BRINP1: variants seen among roughly 807,000 people sequenced by gnomAD.
BRINP1 encodes BMP/retinoic acid inducible neural specific 1.
BRINP1 carries 17 observed loss-of-function variants against 72.9 expected under a neutral mutation model. That is an observed-to-expected ratio of 0.23 (90% CI 0.16 to 0.35). The LOEUF is 0.35. Among genes scored for constraint, BRINP1 ranks in the 10% least tolerant of loss-of-function variants. The pLI, the probability that BRINP1 is intolerant of heterozygous loss-of-function variation, is 1.00. For missense variants in BRINP1, 850 were observed against 1,001.6 expected, an observed-to-expected ratio of 0.85 and a Z score of 2.04; for synonymous variants, 418 against 378.5, an observed-to-expected ratio of 1.10 and a Z score of -1.21.
At chr9:119,262,734 C>G (rs1403190455) in intron 2 of BRINP1, among the ~76,000 whole-genome samples, 1 of 150,936 alleles carries the variant, frequency 6.6e-6, no homozygotes, top group Non-Finnish European at 1.5e-5. Flanking sequence ...GCCCTCTACT[C>G]TAACATAACA....
intron 5 of BRINP1, among the ~76,000 whole-genome samples, chr9:119,223,247 T>G (rs1328346539): frequency 6.6e-6 from 1 of 152,116 alleles, no homozygotes; most frequent in Non-Finnish European, 1.5e-5. Context: ...GGGGGTTACA[T>G]AACTGAATAT....
chr9:119,320,177 GT>G (rs966136286), intron 1 of BRINP1, among the ~76,000 whole-genome samples: 36 of 152,118 alleles, frequency 2.4e-4, no homozygotes, highest in Non-Finnish European at 4.4e-5. Flanking sequence ...GTGGGAGAAG[GT>G]AGGAGAGTGA....
intron 2 of BRINP1, among the ~76,000 whole-genome samples, chr9:119,262,140 C>T (rs1830502603): frequency 6.6e-6 from 1 of 152,158 alleles, no homozygotes; most frequent in African/African-American, 2.4e-5. Context: ...CTCAAAGATT[C>T]CGGGTTTAAC....
intron 7 of BRINP1, among the ~76,000 whole-genome samples, chr9:119,184,910 CTGAG>C (rs1014115191): frequency 4.6e-5 from 7 of 152,136 alleles, no homozygotes; most frequent in Non-Finnish European, 8.8e-5. Context: ...TGACTGTATA[CTGAG>C]TGAGAAAAGG....
chr9:119,243,576 G>A (rs536965363), intron 3 of BRINP1, among the ~76,000 whole-genome samples: 4 of 152,152 alleles, frequency 2.6e-5, no homozygotes, highest in Non-Finnish European at 5.9e-5. Flanking sequence ...CTCAGTAATG[G>A]GATTGCTGGG....
intron 5 of BRINP1, among the ~76,000 whole-genome samples, chr9:119,222,415 C>A (rs146736795): frequency 1.3e-5 from 2 of 152,052 alleles, no homozygotes; most frequent in Non-Finnish European, 1.5e-5. Flanking sequence ...AGAGAACATG[C>A]GGCCCACAAA....
At chr9:119,268,652 T>C (rs948244604) in intron 2 of BRINP1, among the ~76,000 whole-genome samples, 1 of 152,232 alleles carries the variant, frequency 6.6e-6, no homozygotes, top group Non-Finnish European at 1.5e-5. Flanking sequence ...TATTCATTTG[T>C]TTACACCTTA....
chr9:119,180,673 A>ATATT (rs1343293928), intron 7 of BRINP1, among the ~76,000 whole-genome samples: 1 of 152,172 alleles, frequency 6.6e-6, no homozygotes, highest in African/African-American at 2.4e-5. Context: ...TCCCAGATAA[A>ATATT]TATTTAGCTT....
At chr9:119,238,442 A>C (rs1320174785) in intron 5 of BRINP1, among the ~76,000 whole-genome samples, 1 of 152,224 alleles carries the variant, frequency 6.6e-6, no homozygotes, top group East Asian at 1.9e-4. Flanking sequence ...AATAATCATG[A>C]ATTTACTGTC....
chr9:119,334,146 C>T (rs1831327070), intron 1 of BRINP1, among the ~76,000 whole-genome samples: 1 of 152,192 alleles, frequency 6.6e-6, no homozygotes, highest in African/African-American at 2.4e-5. Context: ...TGAAAGAGAT[C>T]CTTTGCCTCA....
In BRINP1 at chr9:119,167,692, A is replaced by G. The variant is rs1829334775; in HGVS notation, c.1678T>C (p.Phe560Leu). The change falls in exon 8 of 8, where the codon TTC becomes CTC. Residue 560 changes from phenylalanine (F) to leucine (L), a missense_variant. Coordinates refer to ENST00000265922, the MANE Select transcript of BRINP1 (RefSeq NM_014618.3). The surrounding 1 kb of genome is among the most constrained non-coding windows in gnomAD (Gnocchi z 4.3). ...CTAAAGGGGTTGACATAGACAAAGA[A>G]CATGGGGTCCAGGCTGCTGTTGCGC... Reference protein sequence around the residue: ...QMRNSSLDPMFFVYVNPFSGS... With the variant: ...QMRNSSLDPMLFVYVNPFSGS... The G allele has an allele frequency of 2.5e-6, 4 of 1,614,136 alleles. No homozygotes were observed. In the East Asian group the frequency reaches 8.9e-5, roughly 36 times the overall value.
intron 2 of BRINP1, among the ~76,000 whole-genome samples, chr9:119,305,027 T>C (rs1830980592): frequency 6.6e-6 from 1 of 152,222 alleles, no homozygotes; most frequent in Admixed American, 6.5e-5. Context: ...CATTGCAAAC[T>C]CTGCTAATCA....
At position 119,174,198 on chromosome 9, in the gene BRINP1, A is replaced by C. The variant is rs888037721; in HGVS notation, c.1146-5974T>G. On this transcript the variant is annotated intron_variant, in intron 7 of 7. Transcript: ENST00000265922. ...ACAGGCAACCTACAGAATGGGAGAA[A>C]ATTTTTGCAACCTACTCATCTGACA... Among the ~76,000 whole-genome samples the C allele has an allele frequency of 3.8e-3, 572 of 150,056 alleles. 3 individuals are homozygous for C. Among genetic ancestry groups the C allele is most frequent in the Non-Finnish European group, 7.4e-3 (500 of 67,766 alleles).
intron 2 of BRINP1, among the ~76,000 whole-genome samples, chr9:119,305,593 A>G (rs1008955499): frequency 6.6e-6 from 1 of 152,102 alleles, no homozygotes; most frequent in Non-Finnish European, 1.5e-5. Context: ...ATTCTCATGA[A>G]TCCTAATCCT....
intron 2 of BRINP1, among the ~76,000 whole-genome samples, chr9:119,280,142 G>A (rs758031077): frequency 1.8e-4 from 27 of 152,160 alleles, no homozygotes; most frequent in Non-Finnish European, 2.5e-4. Context: ...CACAAGAAGT[G>A]CAGGAAATTC....
At chr9:119,269,472 C>T (rs1233318070) in intron 2 of BRINP1, among the ~76,000 whole-genome samples, 1 of 152,152 alleles carries the variant, frequency 6.6e-6, no homozygotes, top group East Asian at 1.9e-4. Flanking sequence ...CCCATATAAT[C>T]CCCTGCTGGT....
In BRINP1 at chr9:119,289,428, T is replaced by A. The variant is rs78345581; in HGVS notation, c.218+23710A>T. ...TTTTTATTTTAGGAGATCAGTTAACTCTGGCTGTTCCGTGAAAGGAGGAGG... is the reference window on the plus strand; with the variant it reads ...TTTTTATTTTAGGAGATCAGTTAACACTGGCTGTTCCGTGAAAGGAGGAGG... On this transcript the variant is annotated intron_variant, in intron 2 of 7. Transcript: ENST00000265922. Among the ~76,000 whole-genome samples, 1,232 of 152,254 alleles carry A rather than the reference T, an allele frequency of 8.1e-3. 15 individuals are homozygous for A. Among genetic ancestry groups the A allele is most frequent in the African/African-American group, 0.029 (1,191 of 41,542 alleles).
intron 1 of BRINP1, among the ~76,000 whole-genome samples, chr9:119,354,800 C>G (rs1203875712): frequency 6.6e-6 from 1 of 152,170 alleles, no homozygotes; most frequent in Non-Finnish European, 1.5e-5. Flanking sequence ...GCCCAGGAAT[C>G]CAAGGCTACA....
intron 7 of BRINP1, among the ~76,000 whole-genome samples, chr9:119,205,973 A>T (rs1417947891): frequency 6.6e-6 from 1 of 151,182 alleles, no homozygotes; most frequent in Non-Finnish European, 1.5e-5. Flanking sequence ...GCTGAATTAC[A>T]TACCCCTCCA....
Sources: gnomAD v4.1 joint callset for allele counts (sites outside exome capture counted in the v4.1 genomes callset) on GRCh38, gnomAD v4.1.1 for gene constraint, Gnocchi (gnomAD v3.1) non-coding constraint, MANE v1.5 for transcripts, NCBI Gene and HGNC (gene_info 2026-07-23, HGNC 2026-07-21) for gene names.